GRID2: variants seen among roughly 807,000 people sequenced by gnomAD.
GRID2 encodes glutamate ionotropic receptor delta type subunit 2, also known as glutamate receptor ionotropic, delta-2.
Under a neutral mutation model 114.8 loss-of-function variants are expected in GRID2, and 33 were observed. That is an observed-to-expected ratio of 0.29 (90% CI 0.22 to 0.38). The LOEUF (loss-of-function observed/expected upper bound fraction) is 0.38, where lower values mean the gene tolerates loss of function less well. Ranked by LOEUF, GRID2 falls within the 10% of genes least tolerant of loss-of-function variation. The probability of loss-of-function intolerance (pLI) is 1.00; values close to 1 mark genes in which losing one functional copy is unlikely to be tolerated. For synonymous variants in GRID2, 505 were observed against 449.9 expected, an observed-to-expected ratio of 1.12 and a Z score of -1.55; for missense variants, 1,184 against 1,257.7, an observed-to-expected ratio of 0.94 and a Z score of 0.89.
intron 10 of GRID2, among the ~76,000 whole-genome samples, chr4:93,432,037 G>A (rs778954336): frequency 2.6e-4 from 39 of 152,140 alleles, no homozygotes; most frequent in Admixed American, 5.2e-4. Context: ...TGGAGATTAC[G>A]TATGTTGACA....
intron 11 of GRID2, among the ~76,000 whole-genome samples, chr4:93,456,739 G>A (rs1723239334): frequency 6.6e-6 from 1 of 152,112 alleles, no homozygotes; most frequent in African/African-American, 2.4e-5. Flanking sequence ...TGCTACAATG[G>A]AGACATTATA....
chr4:93,089,648 C>T (rs542466206), intron 3 of GRID2, among the ~76,000 whole-genome samples: 2 of 152,142 alleles, frequency 1.3e-5, no homozygotes, highest in South Asian at 4.2e-4. Flanking sequence ...GTGCAATATT[C>T]CTGGCTGAAA....
chr4:92,884,223 T>C (rs1012561111), intron 2 of GRID2, among the ~76,000 whole-genome samples: 10 of 152,224 alleles, frequency 6.6e-5, no homozygotes, highest in African/African-American at 2.4e-4. Context: ...CTTCTGACTT[T>C]TCTTTTGCAG....
rs183878219 is a variant in GRID2, at chr4:93,726,003, C to G, written c.2361-43207C>G. On this transcript the variant is annotated intron_variant, in intron 14 of 15. Coordinates refer to ENST00000282020, the MANE Select transcript of GRID2 (RefSeq NM_001510.4). ...TTTAGTTTAATTAGATCCCATTTGTCAATCTTTGGCTTTGGTTGCCATTGC... is the reference window on the plus strand; with the variant it reads ...TTTAGTTTAATTAGATCCCATTTGTGAATCTTTGGCTTTGGTTGCCATTGC... 4.5e-4 allele frequency among the ~76,000 whole-genome samples: 68 copies of G among 152,304 alleles called. 1 individual carries two copies. In the East Asian group the frequency reaches 0.011, roughly 25 times the overall value.
intron 1 of GRID2, among the ~76,000 whole-genome samples, chr4:92,454,419 TAC>T (rs1721102873): frequency 6.6e-6 from 1 of 152,244 alleles, no homozygotes; most frequent in Non-Finnish European, 1.5e-5. Context: ...TCCATATAAA[TAC>T]AGTTTTATTG....
At chr4:93,248,006 GT>G (rs1469360497) in intron 8 of GRID2, among the ~76,000 whole-genome samples, 3 of 152,158 alleles carry the variant, frequency 2.0e-5, no homozygotes, top group African/African-American at 7.2e-5. Context: ...AGGAGGCAAA[GT>G]TTAGTTTCCT....
chr4:93,798,591 A>G (rs1200738655), intron 1 of GRID2, among the ~76,000 whole-genome samples: 1 of 152,234 alleles, frequency 6.6e-6, no homozygotes, highest in Non-Finnish European at 1.5e-5. Context: ...TATTAAATAC[A>G]TATGTACCAG....
intron 2 of GRID2, among the ~76,000 whole-genome samples, chr4:92,940,228 C>T (rs1278618578): frequency 6.8e-6 from 1 of 146,894 alleles, no homozygotes; most frequent in Non-Finnish European, 1.5e-5. Flanking sequence ...TGTTTGTATC[C>T]TCTTTTATTT....
At chr4:92,734,438 C>T (rs1560561348) in intron 2 of GRID2, among the ~76,000 whole-genome samples, 1 of 151,878 alleles carries the variant, frequency 6.6e-6, no homozygotes, top group Non-Finnish European at 1.5e-5. Context: ...CATGCCACCA[C>T]ACCTCACTAT....
At chr4:92,873,180 T>C (rs1285796659) in intron 2 of GRID2, among the ~76,000 whole-genome samples, 2 of 152,224 alleles carry the variant, frequency 1.3e-5, no homozygotes, top group Admixed American at 1.3e-4. Flanking sequence ...TTTATTATTG[T>C]ACTTATAATA....
intron 2 of GRID2, among the ~76,000 whole-genome samples, chr4:92,792,944 A>C (rs1323195398): frequency 6.6e-6 from 1 of 151,258 alleles, no homozygotes; most frequent in Admixed American, 6.6e-5. Flanking sequence ...TCTGGACATA[A>C]ATAACTTGTT....
chr4:92,794,804 T>G (rs1739770374), intron 2 of GRID2, among the ~76,000 whole-genome samples: 1 of 149,126 alleles, frequency 6.7e-6, no homozygotes, highest in South Asian at 2.1e-4. Flanking sequence ...CACAAAAACT[T>G]AACTATCAAC....
At chr4:92,453,482 AT>A (rs1263818294) in intron 1 of GRID2, among the ~76,000 whole-genome samples, 1 of 152,232 alleles carries the variant, frequency 6.6e-6, no homozygotes, top group Non-Finnish European at 1.5e-5. Flanking sequence ...ATATGCATAC[AT>A]AAGTATCAAA....
intron 13 of GRID2, among the ~76,000 whole-genome samples, chr4:93,553,043 T>C (rs1371595849): frequency 6.6e-6 from 1 of 152,206 alleles, no homozygotes. Flanking sequence ...TGATGGACAT[T>C]TGGGTTGGTT....
At chr4:93,729,827 G>A (rs1898905) in intron 14 of GRID2, among the ~76,000 whole-genome samples, 18,847 of 152,006 alleles carry the variant, frequency 0.12, 1,488 homozygotes, top group East Asian at 0.4. Flanking sequence ...TACTTACTGC[G>A]TAACACTCTG....
chr4:93,531,042 G>T (rs957829262), intron 13 of GRID2, among the ~76,000 whole-genome samples: 7 of 152,152 alleles, frequency 4.6e-5, no homozygotes, highest in Non-Finnish European at 7.4e-5. Flanking sequence ...GTATGTTTAT[G>T]TAACTGAGAC....
At chr4:93,547,594 T>C (rs1437991591) in intron 13 of GRID2, among the ~76,000 whole-genome samples, 1 of 152,200 alleles carries the variant, frequency 6.6e-6, no homozygotes. Context: ...TTATTATCTC[T>C]AAGTTACATT....
chr4:93,019,878 A>G (rs1723116017), intron 2 of GRID2, among the ~76,000 whole-genome samples: 1 of 152,330 alleles, frequency 6.6e-6, no homozygotes, highest in South Asian at 2.1e-4. Context: ...TTATACATCC[A>G]TAAAAATTAC....
At chr4:92,543,656 G>A (rs1410475564) in intron 1 of GRID2, among the ~76,000 whole-genome samples, 2 of 152,062 alleles carry the variant, frequency 1.3e-5, no homozygotes, top group African/African-American at 4.8e-5. Flanking sequence ...AATAATTGCT[G>A]AATGAATGAA....
Sources: allele counts gnomAD v4.1 joint callset (sites outside exome capture counted in the v4.1 genomes callset), GRCh38; gene constraint gnomAD v4.1.1; transcripts MANE v1.5; gene names NCBI Gene and HGNC (gene_info 2026-07-23, HGNC 2026-07-21).